The following ZNRF1 variants were observed in gnomAD, a reference collection of about 807,000 sequenced individuals.
The protein encoded by ZNRF1 is E3 ubiquitin-protein ligase ZNRF1.
Under a neutral mutation model 18.4 loss-of-function variants are expected in ZNRF1, and 3 were observed. The ratio of observed to expected loss-of-function variants is 0.16; its 90% CI spans 0.07 to 0.42. The LOEUF (loss-of-function observed/expected upper bound fraction) is 0.42. Ranked by LOEUF, ZNRF1 falls within the 10% of genes least tolerant of loss-of-function variation. ZNRF1 has a pLI of 0.99. For missense variants in ZNRF1, 310 were observed against 329.8 expected, an observed-to-expected ratio of 0.94 and a Z score of 0.47; for synonymous variants, 157 against 144.2, an observed-to-expected ratio of 1.09 and a Z score of -0.64.
intron 1 of ZNRF1, among the ~76,000 whole-genome samples, chr16:75,073,170 A>G (rs1266911960): frequency 2.0e-5 from 2 of 101,040 alleles, no homozygotes; most frequent in Non-Finnish European, 4.4e-5. Flanking sequence ...CTGTCTATAT[A>G]TATGTATATA....
chr16:75,021,508 C>G (rs1201763317), intron 1 of ZNRF1, among the ~76,000 whole-genome samples: 1 of 152,152 alleles, frequency 6.6e-6, no homozygotes, highest in Non-Finnish European at 1.5e-5. Flanking sequence ...GGCTTTAACA[C>G]TGTTTTTTAG....
Position 75,108,443 on chromosome 16 carries a change from AT to A in ZNRF1, c.*753del, listed in dbSNP as rs34340776. The A allele has an allele frequency of 3.5e-4, 130 of 373,910 alleles. No individual in the cohort carries two copies. The highest frequency in any genetic ancestry group is 4.3e-4 in the South Asian group (3 of 7,054). The allele number at this position is 373,910 out of a possible 1,614,324, so 23.2% of individuals were successfully genotyped here. A position where few individuals can be genotyped will look rare whatever the true frequency, so the allele number is the denominator to read the frequency against. On this transcript the variant is annotated 3_prime_UTR_variant, in exon 5 of 5. Coordinates refer to ENST00000335325, the MANE Select transcript of ZNRF1 (RefSeq NM_032268.5). ...GAACATTATTCTTAGGCCCTCGTGG[AT>A]TTTTTTTTTCAGAAAACTTAAACAA...
At position 75,080,009 on chromosome 16, in the gene ZNRF1, G is replaced by A. The variant is rs9939902; in HGVS notation, c.425-13563G>A. On this transcript the variant is annotated intron_variant, in intron 1 of 4. Transcript: ENST00000335325. ...TGGCTCGCTGCAACCTCCACCTCCC[G>A]GGTTCAAGCGATTCTCCTGCTTCAG... Among the ~76,000 whole-genome samples, 488 of 152,232 alleles carry A rather than the reference G, an allele frequency of 3.2e-3. 3 individuals carry two copies. Among genetic ancestry groups the A allele is most frequent in the African/African-American group, 0.011 (460 of 41,550 alleles).
intron 1 of ZNRF1, among the ~76,000 whole-genome samples, chr16:75,016,862 T>C (rs1597859720): frequency 6.6e-6 from 1 of 152,146 alleles, no homozygotes; most frequent in South Asian, 2.1e-4. Context: ...TTATTTACTA[T>C]CGTTTTGTAA....
intron 1 of ZNRF1, among the ~76,000 whole-genome samples, chr16:75,087,131 G>A (rs1265335393): frequency 6.6e-6 from 1 of 152,236 alleles, no homozygotes; most frequent in East Asian, 1.9e-4. Flanking sequence ...GATTGGGAGA[G>A]TTCTTGTAGC....
At chr16:75,023,370 C>T (rs1470728348) in intron 1 of ZNRF1, among the ~76,000 whole-genome samples, 3 of 152,122 alleles carry the variant, frequency 2.0e-5, no homozygotes, top group Non-Finnish European at 4.4e-5. Context: ...TGACTGGACT[C>T]CAGATACACC....
chr16:75,008,720 C>G (rs901642610), intron 1 of ZNRF1, among the ~76,000 whole-genome samples: 5 of 152,080 alleles, frequency 3.3e-5, no homozygotes, highest in Admixed American at 2.0e-4. Context: ...TTATTCTTTC[C>G]AAGAATCTTT....
chr16:75,055,007 T>C (rs2035650510), intron 1 of ZNRF1, among the ~76,000 whole-genome samples: 1 of 152,240 alleles, frequency 6.6e-6, no homozygotes, highest in African/African-American at 2.4e-5. Context: ...ACTGTGATCA[T>C]ATCAGCTCTC....
intron 1 of ZNRF1, among the ~76,000 whole-genome samples, chr16:75,087,694 A>G (rs1452013226): frequency 1.3e-5 from 2 of 152,212 alleles, no homozygotes; most frequent in Non-Finnish European, 2.9e-5. Context: ...TCATCTGAAC[A>G]TACTGGCAGA....
At chr16:75,014,308 G>A (rs1323504405) in intron 1 of ZNRF1, among the ~76,000 whole-genome samples, 2 of 151,838 alleles carry the variant, frequency 1.3e-5, no homozygotes, top group Admixed American at 6.6e-5. Context: ...TGTTTTTCCC[G>A]CCATATATGT....
In ZNRF1 at chr16:74,999,945, G is replaced by A. The variant is rs757675493; in HGVS notation, c.274G>A (p.Ala92Thr). ...GAGGGCGCCCGGCGGCGGAGGGTCTGCGTCCGACTCCACCTATGCCCATGG... is the reference window on the plus strand; with the variant it reads ...GAGGGCGCCCGGCGGCGGAGGGTCTACGTCCGACTCCACCTATGCCCATGG... ...SERAPGGGGSASDSTYAHGNG... is the reference protein window; with the variant it reads ...SERAPGGGGSTSDSTYAHGNG... Residue 92 changes from alanine to threonine, a missense_variant, in exon 1 of 5, where the codon GCG becomes ACG. Transcript: ENST00000335325. 9 of 1,571,104 alleles carry A rather than the reference G, an allele frequency of 5.7e-6. No homozygotes were observed. The South Asian group carries it at 1.0e-4, about 18-fold the overall frequency.
intron 1 of ZNRF1, among the ~76,000 whole-genome samples, chr16:75,005,575 T>C (rs2034906493): frequency 6.6e-6 from 1 of 152,236 alleles, no homozygotes; most frequent in South Asian, 2.1e-4. Flanking sequence ...AGTTACTCCC[T>C]ATCCAAAGGG....
rs1036575101 is a variant in ZNRF1, at chr16:75,059,383, G to A, written c.425-34189G>A. ...CTGCCTCAGCCTCCCAAGTAGCTGG[G>A]ACTACAGGCATGCACCACCACGCCT... On this transcript the variant is annotated intron_variant, in intron 1 of 4. Transcript: ENST00000335325. 5.8e-4 allele frequency among the ~76,000 whole-genome samples: 88 copies of A among 151,288 alleles called. 6 individuals are homozygous for A. The highest frequency in any genetic ancestry group is 7.4e-5 in the Non-Finnish European group (5 of 67,828).
At chr16:75,106,898 C>T (rs192842861) in intron 4 of ZNRF1, 25 of 259,482 alleles carry the variant, frequency 9.6e-5, no homozygotes, top group Admixed American at 9.4e-4. Flanking sequence ...GGAGCCTGAG[C>T]GGTGGGTTTG....
intron 1 of ZNRF1, among the ~76,000 whole-genome samples, chr16:75,081,128 A>G (rs899630475): frequency 6.6e-6 from 1 of 150,588 alleles, no homozygotes; most frequent in African/African-American, 2.4e-5. Flanking sequence ...AGCCGAGATC[A>G]CGCCACTGCA....
chr16:75,016,693 G>A (rs908728569), intron 1 of ZNRF1, among the ~76,000 whole-genome samples: 3 of 141,170 alleles, frequency 2.1e-5, no homozygotes, highest in East Asian at 2.2e-4. Context: ...CTGTCACCAT[G>A]CCTGGCTTTT....
intron 1 of ZNRF1, among the ~76,000 whole-genome samples, chr16:75,064,812 C>T (rs1225414338): frequency 6.6e-6 from 1 of 152,200 alleles, no homozygotes; most frequent in Non-Finnish European, 1.5e-5. Flanking sequence ...TACTTGGCAC[C>T]CTGTGTGTCT....
chr16:75,012,143 C>A (rs1233814450), intron 1 of ZNRF1, among the ~76,000 whole-genome samples: 1 of 152,180 alleles, frequency 6.6e-6, no homozygotes, highest in African/African-American at 2.4e-5. Flanking sequence ...CATATCAGAA[C>A]GCTGGTGCTT....
chr16:75,034,918 C>T (rs138538890), intron 1 of ZNRF1, among the ~76,000 whole-genome samples: 149 of 152,066 alleles, frequency 9.8e-4, no homozygotes, highest in African/African-American at 3.4e-3. Flanking sequence ...TGAGCCACTG[C>T]GTCCAGTTGG....
Sources: gnomAD v4.1 joint callset for allele counts (sites outside exome capture counted in the v4.1 genomes callset) on GRCh38, gnomAD v4.1.1 for gene constraint, MANE v1.5 for transcripts, NCBI Gene and HGNC (gene_info 2026-07-23, HGNC 2026-07-21) for gene names.